The following PARVA variants were observed in gnomAD, a reference collection of about 807,000 sequenced individuals.
PARVA encodes alpha-parvin.
Under a neutral mutation model 52.6 loss-of-function variants are expected in PARVA, and 25 were observed. The observed-to-expected ratio is 0.48, with a 90% confidence interval of 0.35 to 0.66. The LOEUF (loss-of-function observed/expected upper bound fraction) is 0.66. Ranked by LOEUF, PARVA falls within the 30% of genes least tolerant of loss-of-function variation. PARVA has a pLI of 0.01. For synonymous variants in PARVA, 185 were observed against 179.1 expected, an observed-to-expected ratio of 1.03 and a Z score of -0.26; for missense variants, 373 against 450.9, an observed-to-expected ratio of 0.83 and a Z score of 1.56.
chr11:12,522,375 G>A (rs1457204829), intron 12 of PARVA, among the ~76,000 whole-genome samples: 1 of 150,608 alleles, frequency 6.6e-6, no homozygotes, highest in Non-Finnish European at 1.5e-5. Flanking sequence ...TGATTTTGAA[G>A]CACTGAAAAC....
At chr11:12,386,808 G>C (rs768150733) in intron 1 of PARVA, among the ~76,000 whole-genome samples, 1 of 152,176 alleles carries the variant, frequency 6.6e-6, no homozygotes, top group Non-Finnish European at 1.5e-5. Flanking sequence ...ATTTCACCCA[G>C]CTTCTCTCAA....
chr11:12,439,662 C>G (rs554766603), intron 1 of PARVA, among the ~76,000 whole-genome samples: 1 of 152,154 alleles, frequency 6.6e-6, no homozygotes, highest in South Asian at 2.1e-4. Context: ...GATGGTTTTC[C>G]CATATTGGCC....
At chr11:12,457,218 G>A (rs1270820096) in intron 1 of PARVA, among the ~76,000 whole-genome samples, 1 of 152,126 alleles carries the variant, frequency 6.6e-6, no homozygotes, top group African/African-American at 2.4e-5. Flanking sequence ...CGTCAGACAG[G>A]CAGTTAAAGC....
intron 1 of PARVA, among the ~76,000 whole-genome samples, chr11:12,422,967 G>A (rs1235949822): frequency 2.0e-5 from 3 of 152,016 alleles, no homozygotes; most frequent in South Asian, 2.1e-4. Flanking sequence ...CAATTCTCGC[G>A]CCTCAGCCTC....
intron 1 of PARVA, among the ~76,000 whole-genome samples, chr11:12,416,198 T>C (rs935265722): frequency 1.6e-4 from 24 of 152,346 alleles, no homozygotes; most frequent in East Asian, 5.8e-4. Flanking sequence ...TAAATGGCTT[T>C]GTCACCCGTT....
intron 8 of PARVA, among the ~76,000 whole-genome samples, chr11:12,512,780 C>G (rs1050173378): frequency 1.3e-5 from 2 of 152,084 alleles, no homozygotes; most frequent in African/African-American, 2.4e-5. Flanking sequence ...AACTAAGGCA[C>G]AAAGAGTTGA....
intron 4 of PARVA, among the ~76,000 whole-genome samples, chr11:12,494,681 A>G (rs1191690263): frequency 6.6e-6 from 1 of 152,184 alleles, no homozygotes; most frequent in Admixed American, 6.5e-5. Context: ...GAACTAGACA[A>G]CTGTGCAAGA....
intron 1 of PARVA, among the ~76,000 whole-genome samples, chr11:12,412,629 T>C (rs889168421): frequency 1.4e-4 from 22 of 152,210 alleles, no homozygotes; most frequent in Non-Finnish European, 2.9e-4. Flanking sequence ...GGACAGGATG[T>C]ACCAGCCTGT....
intron 10 of PARVA, among the ~76,000 whole-genome samples, chr11:12,514,708 A>G (rs972240695): frequency 1.3e-5 from 2 of 152,130 alleles, no homozygotes; most frequent in Non-Finnish European, 2.9e-5. Flanking sequence ...GCTGGTCTCA[A>G]ACTCAGACCT....
At chr11:12,445,878 A>T (rs2135009009) in intron 1 of PARVA, among the ~76,000 whole-genome samples, 1 of 152,298 alleles carries the variant, frequency 6.6e-6, no homozygotes, top group South Asian at 2.1e-4. Context: ...TGACTCAGAA[A>T]ATATGGTCAG....
At chr11:12,429,485 G>A (rs556219539) in intron 1 of PARVA, among the ~76,000 whole-genome samples, 9 of 152,278 alleles carry the variant, frequency 5.9e-5, no homozygotes, top group African/African-American at 7.2e-5. Context: ...ATAGCACACA[G>A]TTTACAAATA....
At chr11:12,467,040 C>T (rs1463913033) in intron 1 of PARVA, among the ~76,000 whole-genome samples, 3 of 152,182 alleles carry the variant, frequency 2.0e-5, no homozygotes, top group Non-Finnish European at 2.9e-5. Context: ...TTATTTAGAT[C>T]ATCTGGGTTT....
At chr11:12,463,313 C>T (rs1449904852) in intron 1 of PARVA, among the ~76,000 whole-genome samples, 1 of 152,066 alleles carries the variant, frequency 6.6e-6, no homozygotes, top group African/African-American at 2.4e-5. Flanking sequence ...ATCTGTTCCA[C>T]ATTACGTTTT....
rs1941042530 is a variant in PARVA at position 12,478,306 on chromosome 11, C to T, written c.400+357C>T. The T allele has an allele frequency of 8.2e-6, 3 of 365,684 alleles. No individual in the cohort carries two copies. The Admixed American group carries it at 1.1e-4, about 14-fold the overall frequency. The allele number at this position is 365,684 out of a possible 1,614,324, so 22.7% of individuals were successfully genotyped here. On this transcript the variant is annotated intron_variant, in intron 4 of 12. Coordinates refer to ENST00000334956, the MANE Select transcript of PARVA (RefSeq NM_018222.5). ...TGTCGGTATATTTACATGCATGGGC[C>T]TGAGTATGCATTTTTAGACCTCTGT...
intron 1 of PARVA, among the ~76,000 whole-genome samples, chr11:12,416,826 A>G (rs1940073662): frequency 6.6e-6 from 1 of 151,944 alleles, no homozygotes; most frequent in South Asian, 2.1e-4. Flanking sequence ...GAGGGCAGAG[A>G]GATGGAAGGT....
intron 1 of PARVA, among the ~76,000 whole-genome samples, chr11:12,469,397 C>T (rs189466522): frequency 5.9e-5 from 9 of 152,264 alleles, no homozygotes; most frequent in African/African-American, 9.6e-5. Flanking sequence ...GACTTAATGG[C>T]GCTGCGAGAC....
At chr11:12,476,332 AAG>A (rs907189825) in intron 3 of PARVA, among the ~76,000 whole-genome samples, 3 of 152,078 alleles carry the variant, frequency 2.0e-5, no homozygotes, top group Non-Finnish European at 2.9e-5. Context: ...CTCCTAGTTT[AAG>A]AGTCTTCTTA....
At chr11:12,410,360 G>A (rs1346454428) in intron 1 of PARVA, among the ~76,000 whole-genome samples, 2 of 152,240 alleles carry the variant, frequency 1.3e-5, no homozygotes, top group Non-Finnish European at 2.9e-5. Flanking sequence ...TCCAAGGTCT[G>A]CCTTTCCCCC....
At chr11:12,423,253 A>AT (rs1183544791) in intron 1 of PARVA, among the ~76,000 whole-genome samples, 1 of 146,566 alleles carries the variant, frequency 6.8e-6, no homozygotes, top group Non-Finnish European at 1.5e-5. Flanking sequence ...AACACAGCTC[A>AT]TTATAGCCTT....
Sources: gnomAD v4.1 joint callset for allele counts (sites outside exome capture counted in the v4.1 genomes callset) on GRCh38, gnomAD v4.1.1 for gene constraint, MANE v1.5 for transcripts, NCBI Gene and HGNC (gene_info 2026-07-23, HGNC 2026-07-21) for gene names.